GPM6B: variants seen among roughly 807,000 people sequenced by gnomAD.
GPM6B encodes glycoprotein M6B.
A neutral mutation model predicts 27.2 loss-of-function variants in GPM6B; 4 were observed. That is an observed-to-expected ratio of 0.15 (90% CI 0.07 to 0.34). The LOEUF is 0.34. GPM6B is among the 10% of genes least tolerant of loss of function. The pLI is 1.00. For synonymous variants in GPM6B, 124 were observed against 103.1 expected, an observed-to-expected ratio of 1.20 and a Z score of -1.23; for missense variants, 183 against 261.9, an observed-to-expected ratio of 0.70 and a Z score of 2.08.
intron 2 of GPM6B, among the ~76,000 whole-genome samples, chrX:13,798,819 C>T (rs998993811): frequency 8.9e-6 from 1 of 112,497 alleles, no homozygotes; most frequent in East Asian, 2.8e-4. Flanking sequence ...GGGGAGGGGC[C>T]GTCCTGTGCA....
At chrX:13,797,347 C>T (rs1424375770) in intron 2 of GPM6B, among the ~76,000 whole-genome samples, 1 of 111,400 alleles carries the variant, frequency 9.0e-6, no homozygotes, top group Admixed American at 9.5e-5. Context: ...GGACAGATCT[C>T]TTTGGTTGGT....
intron 1 of GPM6B, among the ~76,000 whole-genome samples, chrX:13,842,962 A>T (rs2049597507): frequency 9.0e-6 from 1 of 111,482 alleles, no homozygotes; most frequent in African/African-American, 3.3e-5. Context: ...CACCATTTTA[A>T]GTGTACAATT....
intron 1 of GPM6B, among the ~76,000 whole-genome samples, chrX:13,937,819 T>C (rs1921913021): frequency 9.0e-6 from 1 of 111,258 alleles, no homozygotes; most frequent in Non-Finnish European, 1.9e-5. Flanking sequence ...GCTGAGCCTT[T>C]TGCCGTTGCT....
intron 1 of GPM6B, among the ~76,000 whole-genome samples, chrX:13,828,573 A>C (rs2049403409): frequency 8.9e-6 from 1 of 112,179 alleles, no homozygotes; most frequent in South Asian, 3.7e-4. Context: ...AAGTCATCAC[A>C]CAAACAAACT....
intron 1 of GPM6B, among the ~76,000 whole-genome samples, chrX:13,932,416 CT>C (rs1921619724): frequency 8.9e-6 from 1 of 112,406 alleles, no homozygotes; most frequent in African/African-American, 3.2e-5. Flanking sequence ...ACTCTTTTTC[CT>C]ACAGGATCTT....
chrX:13,777,654 AT>A (rs1231229252), intron 5 of GPM6B, among the ~76,000 whole-genome samples: 1 of 112,352 alleles, frequency 8.9e-6, no homozygotes, highest in African/African-American at 3.2e-5. Flanking sequence ...ACAGCCTGAT[AT>A]TTTTTTCCCC....
chrX:13,872,190 T>C (rs934638635), intron 1 of GPM6B, among the ~76,000 whole-genome samples: 34 of 43,998 alleles, frequency 7.7e-4, no homozygotes, highest in African/African-American at 2.7e-3. Flanking sequence ...TTTTTTTTTT[T>C]AGACAGGGTC....
chrX:13,930,578 C>T (rs111821361), intron 1 of GPM6B, among the ~76,000 whole-genome samples: 3,114 of 109,034 alleles, frequency 0.029, 111 homozygotes, highest in African/African-American at 0.092. Context: ...CGTGCCACTG[C>T]ACTCCAGCCT....
intron 1 of GPM6B, among the ~76,000 whole-genome samples, chrX:13,883,472 G>A (rs1193533110): frequency 3.8e-5 from 1 of 26,055 alleles, no homozygotes; most frequent in Non-Finnish European, 7.1e-5. Context: ...AATTTACATT[G>A]GACTTCAAAA....
At chrX:13,915,732 AC>A (rs1445254711) in intron 1 of GPM6B, among the ~76,000 whole-genome samples, 1 of 112,973 alleles carries the variant, frequency 8.9e-6, no homozygotes, top group African/African-American at 3.2e-5. Flanking sequence ...ATATATGTGT[AC>A]AATGGTTGTT....
At chrX:13,846,790 C>CTGTTTT (rs2049653719) in intron 1 of GPM6B, among the ~76,000 whole-genome samples, 1 of 85,435 alleles carries the variant, frequency 1.2e-5, no homozygotes, top group African/African-American at 4.7e-5. Flanking sequence ...ACTGCGCCAG[C>CTGTTTT]TTTTTTTTTT....
intron 1 of GPM6B, among the ~76,000 whole-genome samples, chrX:13,895,461 A>G (rs2050224127): frequency 9.0e-6 from 1 of 111,255 alleles, no homozygotes. Flanking sequence ...TCCACAAAGA[A>G]CAACATATTC....
intron 3 of GPM6B, chrX:13,783,842 G>A (rs928100872): frequency 2.7e-6 from 1 of 372,415 alleles, no homozygotes; most frequent in Admixed American, 3.0e-5. Flanking sequence ...CAGGCATTGA[G>A]GAGTTAAGCT....
At chrX:13,937,170 T>C (rs770972327) in intron 1 of GPM6B, among the ~76,000 whole-genome samples, 2 of 111,978 alleles carry the variant, frequency 1.8e-5, no homozygotes, top group Non-Finnish European at 3.8e-5. Flanking sequence ...CTGCCCTTTC[T>C]AGAAGGATCT....
At chrX:13,935,805 T>C (rs983662174) in intron 1 of GPM6B, among the ~76,000 whole-genome samples, 7 of 112,425 alleles carry the variant, frequency 6.2e-5, no homozygotes, top group African/African-American at 2.3e-4. Flanking sequence ...CTTCACAATA[T>C]GTGCAGCCAA....
At position 13,792,768 on chromosome X, in the gene GPM6B, C is replaced by T. The variant is rs749545895; in HGVS notation, c.182-6960G>A. Among the ~76,000 whole-genome samples the T allele has an allele frequency of 4.5e-5, 5 of 110,441 alleles. No individual in the cohort carries two copies. In the East Asian group the frequency reaches 8.6e-4, roughly 19 times the overall value. Reference sequence around the variant, plus strand: ...CACAAAAATTAGCTGGGTGTGGTGGCGCATGCCTGTAATCCCAGCTACTTG... The same window carrying T: ...CACAAAAATTAGCTGGGTGTGGTGGTGCATGCCTGTAATCCCAGCTACTTG... On this transcript the variant is annotated intron_variant, in intron 2 of 7. Coordinates refer to ENST00000316715, the MANE Select transcript of GPM6B (RefSeq NM_001001995.3).
chrX:13,817,301 A>ATC (rs767608717), upstream of GPM6B: 354 of 730,126 alleles, frequency 4.8e-4, no homozygotes, highest in African/African-American at 3.3e-3. Context: ...CTCAATCTCG[A>ATC]TCTCTCTCTC....
At chrX:13,921,815 G>A (rs1920980846) in intron 1 of GPM6B, among the ~76,000 whole-genome samples, 2 of 111,309 alleles carry the variant, frequency 1.8e-5, no homozygotes, top group South Asian at 7.6e-4. Context: ...CTGACCTCGT[G>A]ATCCACCTGC....
chrX:13,887,876 A>G (rs1048919770), intron 1 of GPM6B, among the ~76,000 whole-genome samples: 4 of 111,931 alleles, frequency 3.6e-5, no homozygotes, highest in Non-Finnish European at 7.5e-5. Flanking sequence ...GTGAAGTTTG[A>G]GAACCAGTGG....
Sources: allele counts gnomAD v4.1 joint callset (sites outside exome capture counted in the v4.1 genomes callset), GRCh38; gene constraint gnomAD v4.1.1; transcripts MANE v1.5; gene names NCBI Gene and HGNC (gene_info 2026-07-23, HGNC 2026-07-21).